Variants in TIAM1 observed in about 807,000 individuals in gnomAD.
The protein encoded by TIAM1 is TIAM Rac1 associated GEF 1, also known as rho guanine nucleotide exchange factor TIAM1.
Under a neutral mutation model 163.5 loss-of-function variants are expected in TIAM1, and 65 were observed. That is an observed-to-expected ratio of 0.40 (90% CI 0.33 to 0.49). The LOEUF (loss-of-function observed/expected upper bound fraction) is 0.49. Among genes scored for constraint, TIAM1 ranks in the 20% least tolerant of loss-of-function variants. The pLI, the probability that TIAM1 is intolerant of heterozygous loss-of-function variation, is 0.77. For missense variants in TIAM1, 1,789 were observed against 2,044.7 expected (o/e 0.87, Z 2.41); for synonymous variants, 833 against 810.1 (o/e 1.03, Z -0.48).
intron 1 of TIAM1, among the ~76,000 whole-genome samples, chr21:31,514,700 A>G (rs1362398559): frequency 2.6e-5 from 4 of 152,146 alleles, no homozygotes; most frequent in Admixed American, 2.0e-4. Context: ...TCTCAAAAAA[A>G]AAATATTGAT....
At chr21:31,426,012 C>A (rs576030530) in intron 2 of TIAM1, among the ~76,000 whole-genome samples, 2 of 152,192 alleles carry the variant, frequency 1.3e-5, no homozygotes, top group Admixed American at 1.3e-4. Flanking sequence ...GGATTACAGG[C>A]GTAAACCACC....
chr21:31,488,836 G>C (rs551592917), intron 1 of TIAM1, among the ~76,000 whole-genome samples: 1 of 152,036 alleles, frequency 6.6e-6, no homozygotes, highest in East Asian at 1.9e-4. Flanking sequence ...GGAGGAAAGA[G>C]GAGAACAAGG....
intron 1 of TIAM1, among the ~76,000 whole-genome samples, chr21:31,546,879 T>C (rs2048514470): frequency 1.3e-5 from 2 of 152,170 alleles, no homozygotes; most frequent in Admixed American, 6.5e-5. Context: ...CCATATCTTA[T>C]ACCCTTGAAA....
At position 31,201,530 on chromosome 21, in the gene TIAM1, CTG is replaced by C. The variant is rs927089448; in HGVS notation, c.2493+1376_2493+1377del. On this transcript the variant is annotated intron_variant, in intron 12 of 27. Coordinates refer to ENST00000541036, the MANE Select transcript of TIAM1 (RefSeq NM_001353694.2). Reference sequence around the variant, plus strand: ...CATGATCACAGCAGTGGAAACAAGACTGTATACATTTGTCAAAACTCATTGGA... The same window carrying C: ...CATGATCACAGCAGTGGAAACAAGACTATACATTTGTCAAAACTCATTGGA... Among the ~76,000 whole-genome samples the C allele has an allele frequency of 2.3e-4, 35 of 152,196 alleles. 1 individual carries two copies. Among genetic ancestry groups the C allele is most frequent in the Admixed American group, 6.5e-5 (1 of 15,284 alleles).
chr21:31,525,755 C>T (rs890333664), intron 1 of TIAM1, among the ~76,000 whole-genome samples: 3 of 152,046 alleles, frequency 2.0e-5, no homozygotes, highest in African/African-American at 7.2e-5. Context: ...CATCCGACGC[C>T]AGGCACGGGG....
At chr21:31,354,644 C>A (rs180948024) in intron 2 of TIAM1, among the ~76,000 whole-genome samples, 1 of 152,260 alleles carries the variant, frequency 6.6e-6, no homozygotes. Context: ...ACCCAACTTC[C>A]CGGTAAAACA....
At chr21:31,392,570 C>CAAA (rs61454127) in intron 2 of TIAM1, among the ~76,000 whole-genome samples, 16 of 84,830 alleles carry the variant, frequency 1.9e-4, no homozygotes, top group African/African-American at 4.2e-4. Flanking sequence ...AACTCTGTCT[C>CAAA]AAAAAAAAAA....
intron 2 of TIAM1, among the ~76,000 whole-genome samples, chr21:31,426,032 C>G (rs2043783687): frequency 6.6e-6 from 1 of 152,070 alleles, no homozygotes; most frequent in African/African-American, 2.4e-5. Context: ...CGCGCCCAGA[C>G]CATTTTAATA....
rs145031547 is a variant in TIAM1, at chr21:31,218,525, C to T, written c.1996-826G>A. On this transcript the variant is annotated intron_variant, in intron 8 of 27. Transcript: ENST00000541036. ...TGGAGGTTGCAGTGAGCTGAGAACA[C>T]GCCACTGCACTCTAGCCTGGGCGAC... is the stretch of plus-strand genomic sequence containing the variant. 9.2e-5 allele frequency among the ~76,000 whole-genome samples: 14 copies of T among 151,736 alleles called. No individual in the cohort carries two copies. The East Asian group carries it at 1.6e-3, about 17-fold the overall frequency.
At chr21:31,424,868 T>C (rs1163240296) in intron 2 of TIAM1, among the ~76,000 whole-genome samples, 2 of 150,082 alleles carry the variant, frequency 1.3e-5, no homozygotes, top group African/African-American at 5.0e-5. Flanking sequence ...CTGACCAATA[T>C]GGTAAAATCC....
intron 2 of TIAM1, among the ~76,000 whole-genome samples, chr21:31,328,825 T>G (rs1029252398): frequency 6.6e-6 from 1 of 151,920 alleles, no homozygotes; most frequent in African/African-American, 2.4e-5. Context: ...TTTCTATTTT[T>G]TGTAGAGATG....
chr21:31,525,235 G>A (rs917662589), intron 1 of TIAM1, among the ~76,000 whole-genome samples: 1 of 151,916 alleles, frequency 6.6e-6, no homozygotes, highest in African/African-American at 2.4e-5. Context: ...CAGGCATGGT[G>A]GCGCACACCT....
intron 2 of TIAM1, among the ~76,000 whole-genome samples, chr21:31,313,301 G>A (rs1019796810): frequency 6.6e-6 from 1 of 152,124 alleles, no homozygotes; most frequent in Admixed American, 6.5e-5. Context: ...GGGGGATGGG[G>A]GTGAGGAGGA....
intron 2 of TIAM1, among the ~76,000 whole-genome samples, chr21:31,461,578 G>A (rs551471921): frequency 8.5e-5 from 13 of 152,298 alleles, no homozygotes; most frequent in African/African-American, 2.9e-4. Context: ...TATTTAGTGT[G>A]AGCCTACCCA....
chr21:31,212,774 T>A (rs1012921745), intron 10 of TIAM1: 24 of 151,656 alleles, frequency 1.6e-4, no homozygotes, highest in African/African-American at 4.4e-4. Flanking sequence ...CTAATTTTTT[T>A]TTTTTTTGTA....
intron 11 of TIAM1, among the ~76,000 whole-genome samples, chr21:31,209,275 C>T (rs560413919): frequency 3.3e-5 from 5 of 152,210 alleles, no homozygotes; most frequent in Admixed American, 6.5e-5. Flanking sequence ...ACTATTAATG[C>T]TATTCATTAT....
chr21:31,143,630 T>G (rs1224259845), intron 20 of TIAM1, among the ~76,000 whole-genome samples: 2 of 151,986 alleles, frequency 1.3e-5, no homozygotes, highest in East Asian at 3.9e-4. Context: ...ATTAAACTTT[T>G]AAAATGTCTA....
chr21:31,210,675 GAAAGAAAGAAAAAGAAAGAA>G lies in TIAM1; in HGVS notation c.2218-480_2218-461del, dbSNP rs1233839857. Among the ~76,000 whole-genome samples, 4 of 71,358 alleles carry G rather than the reference GAAAGAAAGAAAAAGAAAGAA, an allele frequency of 5.6e-5. No individual in the cohort carries two copies. In the South Asian group the frequency reaches 1.4e-3, roughly 25 times the overall value. 46.8% of individuals were successfully genotyped at this position (71,358 alleles called of 152,430 possible). A position where few individuals can be genotyped will look rare whatever the true frequency, so the allele number is the denominator to read the frequency against. On this transcript the variant is annotated intron_variant, in intron 10 of 27. Transcript: ENST00000541036. ...AAAGAAAGAAAGAAAGAAAAAGAAA[GAAAGAAAGAAAAAGAAAGAA>G]AGAAAGAAAGAGAAAGAAAGAGAAA...
At chr21:31,457,759 C>T (rs1200836678) in intron 2 of TIAM1, among the ~76,000 whole-genome samples, 1 of 152,158 alleles carries the variant, frequency 6.6e-6, no homozygotes. Flanking sequence ...TTTCACTAAG[C>T]CAGTGGATCT....
Sources: allele counts gnomAD v4.1 joint callset (sites outside exome capture counted in the v4.1 genomes callset), GRCh38; gene constraint gnomAD v4.1.1; transcripts MANE v1.5; gene names NCBI Gene and HGNC (gene_info 2026-07-23, HGNC 2026-07-21).